The following DDI2 variants were observed in gnomAD, a reference collection of about 807,000 sequenced individuals.
DDI2 encodes DDI proteasomal shuttling factor 2, also known as protein DDI1 homolog 2.
A neutral mutation model predicts 48.1 loss-of-function variants in DDI2; 5 were observed. The ratio of observed to expected loss-of-function variants is 0.10; its 90% CI spans 0.05 to 0.22. The LOEUF (loss-of-function observed/expected upper bound fraction) is 0.22. Ranked by LOEUF, DDI2 falls within the 10% of genes least tolerant of loss-of-function variation. The pLI is 1.00. For missense variants in DDI2, 285 were observed against 506.2 expected, an observed-to-expected ratio of 0.56 and a Z score of 4.19; for synonymous variants, 205 against 183.6, an observed-to-expected ratio of 1.12 and a Z score of -0.94.
chr1:15,666,756 AAACAAATTT>A lies in DDI2; in HGVS notation c.*6967_*6975del, dbSNP rs1203490575. ...GCTTTCAGTCTAGAAGGGAGACGTG[AAACAAATTT>A]TAGCTTCAAAAGCAACATCTATTTT... On this transcript the variant is annotated 3_prime_UTR_variant, in exon 10 of 10. Coordinates refer to ENST00000480945, the MANE Select transcript of DDI2 (RefSeq NM_032341.5). The A allele has an allele frequency of 6.6e-6, 1 of 152,194 alleles. No individual in the cohort carries two copies. The highest frequency in any genetic ancestry group is 2.4e-5 in the African/African-American group (1 of 41,442). 9.4% of individuals were successfully genotyped at this position (152,194 alleles called of 1,614,324 possible).
Position 15,668,201 on chromosome 1 carries a change from A to G in DDI2, c.*8411A>G, listed in dbSNP as rs575819375. 2.6e-5 allele frequency: 4 copies of G among 152,126 alleles called. No individual in the cohort carries two copies. Among genetic ancestry groups the G allele is most frequent in the East Asian group, 3.9e-4 (2 of 5,186 alleles). The allele number at this position is 152,126 out of a possible 1,614,324, so 9.4% of individuals were successfully genotyped here. ...CACACAACCCTGAATGAATGTGTCT[A>G]TGGCCTAAAAATGGTAGACCTGTAT... On this transcript the variant is annotated 3_prime_UTR_variant, in exon 10 of 10. Transcript: ENST00000480945.
intron 2 of DDI2, 56 bp from the exon 3 acceptor site, chr1:15,630,269 C>G (rs765246366): frequency 3.2e-5 from 50 of 1,548,864 alleles, no homozygotes; most frequent in Non-Finnish European, 2.8e-5. Flanking sequence ...CTGTTTCCTT[C>G]AAGTGCTTGT....
chr1:15,664,605 G>A lies in DDI2; in HGVS notation c.*4815G>A, dbSNP rs1176414025. 1 of 152,130 alleles carries A rather than the reference G, an allele frequency of 6.6e-6. No homozygotes were observed. The highest frequency in any genetic ancestry group is 1.5e-5 in the Non-Finnish European group (1 of 68,036). 9.4% of individuals were successfully genotyped at this position (152,130 alleles called of 1,614,324 possible). A position where few individuals can be genotyped will look rare whatever the true frequency, so the allele number is the denominator to read the frequency against. ...GCAGAAATTATGGGTTAACTTCTAA[G>A]AATACCATCAAATCCCTGTGAATTC... On this transcript the variant is annotated 3_prime_UTR_variant, in exon 10 of 10. Coordinates refer to ENST00000480945, the MANE Select transcript of DDI2 (RefSeq NM_032341.5).
Position 15,668,278 on chromosome 1 carries a change from AC to A in DDI2, c.*8490del, listed in dbSNP as rs1640484001. The A allele has an allele frequency of 6.6e-6, 1 of 152,150 alleles. No homozygotes were observed. Among genetic ancestry groups the A allele is most frequent in the South Asian group, 2.1e-4 (1 of 4,820 alleles). 9.4% of individuals were successfully genotyped at this position (152,150 alleles called of 1,614,324 possible). On this transcript the variant is annotated 3_prime_UTR_variant, in exon 10 of 10. Transcript: ENST00000480945. Reference sequence around the variant, plus strand: ...TTCCTGATTCCTTCTGTCTGAGATTACCTGATGCTGACCAGACTTATTTTTC... The same window carrying A: ...TTCCTGATTCCTTCTGTCTGAGATTACTGATGCTGACCAGACTTATTTTTC...
At chr1:15,633,319 T>G in intron 3 of DDI2, 120 bp from the exon 4 acceptor site, 1 of 1,155,340 alleles carries the variant, frequency 8.7e-7, no homozygotes, top group Non-Finnish European at 1.2e-6. Flanking sequence ...TTAAATAAGC[T>G]TTAGGCATCC....
At chr1:15,621,650 T>C (rs1049450701) in intron 1 of DDI2, among the ~76,000 whole-genome samples, 1 of 152,082 alleles carries the variant, frequency 6.6e-6, no homozygotes, top group Non-Finnish European at 1.5e-5. Context: ...CCTCCCAGAG[T>C]GCTGGGATTA....
intron 7 of DDI2, among the ~76,000 whole-genome samples, chr1:15,651,409 C>T (rs1054534902): frequency 3.9e-5 from 6 of 152,166 alleles, no homozygotes; most frequent in African/African-American, 1.4e-4. Flanking sequence ...ACCTCTGCCT[C>T]GCAGGTTCAA....
At position 15,651,714 on chromosome 1, in the gene DDI2, C is replaced by T. The variant is rs200488641; in HGVS notation, c.1002C>T (p.Ile334=). The part of the protein sequence containing the change: ...LDMLKRHQCS[I]DLKKNVLVIG... Reference sequence around the variant, plus strand: ...GGTTTCTTTCTTCCAAGTGTTCCATCGACCTGAAGAAAAATGTACTCGTGA... The same window carrying T: ...GGTTTCTTTCTTCCAAGTGTTCCATTGACCTGAAGAAAAATGTACTCGTGA... Residue 334 remains isoleucine (I), a synonymous_variant, in exon 8 of 10, where the codon ATC becomes ATT. Transcript: ENST00000480945. 56 of 1,604,064 alleles carry T rather than the reference C, an allele frequency of 3.5e-5. No homozygotes were observed. The Middle Eastern group carries it at 9.9e-4, about 28-fold the overall frequency.
intron 5 of DDI2, among the ~76,000 whole-genome samples, chr1:15,639,416 T>C (rs1639973466): frequency 6.6e-6 from 1 of 152,048 alleles, no homozygotes; most frequent in Admixed American, 6.6e-5. Context: ...AAAAAAAGTA[T>C]TTTCTTTCAT....
chr1:15,647,912 C>T (rs753854897), intron 6 of DDI2, among the ~76,000 whole-genome samples: 36 of 152,018 alleles, frequency 2.4e-4, no homozygotes, highest in Admixed American at 1.4e-3. Flanking sequence ...TGCAGTGAGC[C>T]GAGATCATGC....
In DDI2 at chr1:15,661,750, C is replaced by G. The variant is rs748636926; in HGVS notation, c.*1960C>G. On this transcript the variant is annotated 3_prime_UTR_variant, in exon 10 of 10. Coordinates refer to ENST00000480945, the MANE Select transcript of DDI2 (RefSeq NM_032341.5). ...GTGGGAAAGTGGGCTAGACCGTTCT[C>G]CATTCCCTTTAAACAAAAGAAAGCT... is the stretch of plus-strand genomic sequence containing the variant. The G allele has an allele frequency of 1.3e-6, 2 of 1,569,496 alleles. No homozygotes were observed. Among genetic ancestry groups the G allele is most frequent in the Admixed American group, 3.7e-5 (2 of 53,530 alleles).
rs540739357 is a variant in DDI2 at position 15,642,338 on chromosome 1, GTC to G, written c.761-1182_761-1181del. Among the ~76,000 whole-genome samples, 1,027 of 152,320 alleles carry G rather than the reference GTC, an allele frequency of 6.7e-3. 8 individuals are homozygous for G. Among genetic ancestry groups the G allele is most frequent in the Middle Eastern group, 0.02 (6 of 294 alleles). On this transcript the variant is annotated intron_variant, in intron 5 of 9. Coordinates refer to ENST00000480945, the MANE Select transcript of DDI2 (RefSeq NM_032341.5). ...TGCCCTCATATTTAAAGGGAAGAGA[GTC>G]TGATTGTTGGAGCAGAGTATGGGAG...
At chr1:15,620,170 C>T (rs1239060727) in intron 1 of DDI2, among the ~76,000 whole-genome samples, 1 of 152,174 alleles carries the variant, frequency 6.6e-6, no homozygotes, top group Non-Finnish European at 1.5e-5. Context: ...TGGGCTCCAA[C>T]TGGTGTTAAG....
intron 5 of DDI2, among the ~76,000 whole-genome samples, chr1:15,641,574 G>A (rs181436545): frequency 1.4e-4 from 21 of 152,128 alleles, no homozygotes; most frequent in Admixed American, 1.1e-3. Context: ...TTTAAATTAC[G>A]CATCCACGGA....
At position 15,660,079 on chromosome 1, in the gene DDI2, C is replaced by T; in HGVS notation, c.*289C>T. 6.2e-7 allele frequency: 1 copy of T among 1,613,940 alleles called. No individual in the cohort carries two copies. On this transcript the variant is annotated 3_prime_UTR_variant, in exon 10 of 10. Transcript: ENST00000480945. Reference sequence around the variant, plus strand: ...CCAGCTAAACTCTGAAAAGAAAGAACATCTTTCTTTACAAGATCTTTCTGA... The same window carrying T: ...CCAGCTAAACTCTGAAAAGAAAGAATATCTTTCTTTACAAGATCTTTCTGA...
Position 15,630,455 on chromosome 1 carries a change from C to G in DDI2, c.399C>G (p.Asp133Glu). ...GEITSSPQGL[D>E]NPALLRDMLL... ...TAACTTCATCTCCTCAGGGCTTGGA[C>G]AATCCAGCCTTGCTCCGAGATATGT... The change falls in exon 3 of 10, where the codon GAC (aspartate) becomes GAG (glutamate). Residue 133 changes from aspartate to glutamate, a missense_variant. Physicochemically the swap from Asp to Glu is conservative, Grantham distance 45. Around this residue, in one of 3 missense-constraint regions of DDI2, gnomAD observed 149 missense variants for 236.5 expected, o/e 0.63. Transcript: ENST00000480945. 6.2e-7 allele frequency: 1 copy of G among 1,614,212 alleles called. No homozygotes were observed. Among genetic ancestry groups the G allele is most frequent in the Non-Finnish European group, 8.5e-7 (1 of 1,180,028 alleles).
At chr1:15,658,925 A>G (rs1640316080) in intron 9 of DDI2, among the ~76,000 whole-genome samples, 1 of 152,172 alleles carries the variant, frequency 6.6e-6, no homozygotes, top group Non-Finnish European at 1.5e-5. Context: ...TTGCCAGTTG[A>G]AAAACTATTA....
intron 3 of DDI2, among the ~76,000 whole-genome samples, chr1:15,633,144 G>T (rs780946395): frequency 2.0e-5 from 3 of 151,826 alleles, no homozygotes; most frequent in Admixed American, 2.0e-4. Flanking sequence ...GCCCAGGCTG[G>T]TCTCGAACTC....
intron 2 of DDI2, among the ~76,000 whole-genome samples, chr1:15,629,612 A>G (rs990980353): frequency 2.0e-5 from 3 of 151,896 alleles, no homozygotes; most frequent in African/African-American, 4.8e-5. Context: ...AAAAAAAAAA[A>G]AATTCTTTAA....
Sources: gnomAD v4.1 joint callset for allele counts (sites outside exome capture counted in the v4.1 genomes callset) on GRCh38, gnomAD v4.1.1 for gene constraint, gnomAD v4.1.1 regional missense constraint, MANE v1.5 for transcripts, NCBI Gene and HGNC (gene_info 2026-07-23, HGNC 2026-07-21) for gene names.